Variants in BNC2 observed in about 807,000 individuals in gnomAD.
The protein encoded by BNC2 is zinc finger protein basonuclin-2.
A neutral mutation model predicts 76.3 loss-of-function variants in BNC2; 20 were observed. The ratio of observed to expected loss-of-function variants is 0.26; its 90% CI spans 0.18 to 0.38. The LOEUF (loss-of-function observed/expected upper bound fraction) is 0.38. Among genes scored for constraint, BNC2 ranks in the 10% least tolerant of loss-of-function variants. The probability of loss-of-function intolerance (pLI) is 1.00; values close to 1 mark genes in which losing one functional copy is unlikely to be tolerated. For synonymous variants in BNC2, 582 were observed against 514.8 expected, an observed-to-expected ratio of 1.13 and a Z score of -1.77; for missense variants, 1,382 against 1,399.8, an observed-to-expected ratio of 0.99 and a Z score of 0.20.
chr9:16,506,963 C>A (rs1822642511), intron 5 of BNC2, among the ~76,000 whole-genome samples: 1 of 152,046 alleles, frequency 6.6e-6, no homozygotes, highest in Admixed American at 6.6e-5. Flanking sequence ...CCACATTGAC[C>A]AGGCTGGTCT....
chr9:16,688,162 CA>C (rs1179537265), intron 3 of BNC2, among the ~76,000 whole-genome samples: 1 of 152,186 alleles, frequency 6.6e-6, no homozygotes, highest in East Asian at 1.9e-4. Context: ...ACCACACTCT[CA>C]CCCCATCCAC....
intron 4 of BNC2, among the ~76,000 whole-genome samples, chr9:16,555,472 ATTC>A (rs916863459): frequency 3.3e-5 from 5 of 152,166 alleles, no homozygotes; most frequent in Admixed American, 6.6e-5. Flanking sequence ...ACACTAGTTG[ATTC>A]TTCTTCATAA....
intron 3 of BNC2, among the ~76,000 whole-genome samples, chr9:16,708,843 C>G (rs1206220504): frequency 6.6e-6 from 1 of 152,118 alleles, no homozygotes; most frequent in Non-Finnish European, 1.5e-5. Flanking sequence ...TGATTCAGCG[C>G]TTTAACAAAT....
At chr9:16,675,760 C>T (rs1039610029) in intron 3 of BNC2, among the ~76,000 whole-genome samples, 2 of 152,130 alleles carry the variant, frequency 1.3e-5, no homozygotes, top group Admixed American at 6.5e-5. Context: ...TATTAGGTTA[C>T]ATAACTTAAG....
chr9:16,477,206 C>G (rs1821945971), intron 5 of BNC2, among the ~76,000 whole-genome samples: 1 of 152,140 alleles, frequency 6.6e-6, no homozygotes, highest in African/African-American at 2.4e-5. Context: ...CCCAAGTGAG[C>G]AATGGTCACT....
At chr9:16,690,599 A>T (rs958123038) in intron 3 of BNC2, among the ~76,000 whole-genome samples, 3 of 152,222 alleles carry the variant, frequency 2.0e-5, no homozygotes, top group African/African-American at 7.2e-5. Flanking sequence ...CCAGAAATAC[A>T]TTCATTGTTA....
intron 3 of BNC2, among the ~76,000 whole-genome samples, chr9:16,646,067 A>G (rs1034711717): frequency 4.6e-5 from 7 of 152,230 alleles, no homozygotes; most frequent in African/African-American, 1.7e-4. Context: ...CAACACGTCT[A>G]CCTTCCAGTT....
Position 16,435,639 on chromosome 9 carries a change from T to C in BNC2, c.2555A>G (p.Tyr852Cys), listed in dbSNP as rs1474689616. The C allele has an allele frequency of 6.2e-7, 1 of 1,614,078 alleles. No homozygotes were observed. The highest frequency in any genetic ancestry group is 8.5e-7 in the Non-Finnish European group (1 of 1,180,024). Residue 852 changes from tyrosine to cysteine, a missense_variant, in exon 6 of 7, where the codon TAC becomes TGC. By Grantham distance (194) the Tyr-to-Cys change is radical. This residue lies in a region of BNC2 where 798 missense variants were observed against 775.5 expected (regional missense o/e 1.03). Coordinates refer to ENST00000380672, the MANE Select transcript of BNC2 (RefSeq NM_017637.6). ...FKSSYSVKLH[Y>C]RNVHLKEMHV... ...CATCTCTTTCAAGTGAACGTTCCTG[T>C]AGTGAAGTTTCACACTGTAGGAGCT...
At chr9:16,774,464 G>T (rs1342728335) in intron 1 of BNC2, among the ~76,000 whole-genome samples, 1 of 152,120 alleles carries the variant, frequency 6.6e-6, no homozygotes, top group Non-Finnish European at 1.5e-5. Flanking sequence ...ATTCTATCAG[G>T]CCTGACATAC....
chr9:16,814,819 C>T (rs1403577314), intron 1 of BNC2, among the ~76,000 whole-genome samples: 2 of 152,150 alleles, frequency 1.3e-5, no homozygotes, highest in Non-Finnish European at 2.9e-5. Flanking sequence ...CAAAGACATA[C>T]CAAGATAAAT....
At chr9:16,511,318 C>T (rs1822750058) in intron 5 of BNC2, among the ~76,000 whole-genome samples, 1 of 151,568 alleles carries the variant, frequency 6.6e-6, no homozygotes, top group Non-Finnish European at 1.5e-5. Flanking sequence ...GCTATGTTAC[C>T]CAGGCTGGTC....
At chr9:16,638,773 G>A (rs1220539792) in intron 3 of BNC2, among the ~76,000 whole-genome samples, 1 of 152,032 alleles carries the variant, frequency 6.6e-6, no homozygotes, top group African/African-American at 2.4e-5. Context: ...TATTTTTAAT[G>A]TTTCCTTCTC....
intron 3 of BNC2, among the ~76,000 whole-genome samples, chr9:16,625,068 C>A (rs1015779598): frequency 1.3e-5 from 2 of 152,174 alleles, no homozygotes; most frequent in Non-Finnish European, 2.9e-5. Flanking sequence ...GGTAATTGGA[C>A]ACAGAAACAT....
chr9:16,780,644 T>A (rs1301520897), intron 1 of BNC2, among the ~76,000 whole-genome samples: 14 of 152,168 alleles, frequency 9.2e-5, no homozygotes, highest in Non-Finnish European at 7.3e-5. Context: ...TTAAAAAGTA[T>A]TGGGCTTTTT....
intron 1 of BNC2, among the ~76,000 whole-genome samples, chr9:16,819,542 A>T (rs1033778574): frequency 3.9e-5 from 6 of 152,010 alleles, no homozygotes; most frequent in African/African-American, 1.2e-4. Flanking sequence ...GTGTGCCTGT[A>T]ATTCCAGCTA....
chr9:16,809,211 G>A (rs1241103386), intron 1 of BNC2, among the ~76,000 whole-genome samples: 1 of 152,136 alleles, frequency 6.6e-6, no homozygotes, highest in Admixed American at 6.5e-5. Context: ...GCCGCTAGAG[G>A]AAGAACTGTT....
intron 5 of BNC2, among the ~76,000 whole-genome samples, chr9:16,454,423 C>T (rs1445236915): frequency 6.6e-6 from 1 of 152,092 alleles, no homozygotes; most frequent in African/African-American, 2.4e-5. Flanking sequence ...GGCTCAGCCT[C>T]TCAAGTAGCT....
chr9:16,542,971 A>G (rs1230416556), intron 5 of BNC2, among the ~76,000 whole-genome samples: 4 of 151,962 alleles, frequency 2.6e-5, no homozygotes, highest in Admixed American at 2.0e-4. Flanking sequence ...TTTTCTCATG[A>G]CTCTTCATTA....
intron 5 of BNC2, among the ~76,000 whole-genome samples, chr9:16,470,704 T>A (rs1044194933): frequency 3.9e-5 from 6 of 152,238 alleles, no homozygotes; most frequent in African/African-American, 1.4e-4. Context: ...CATGGCGTTC[T>A]GTGCGCAGAT....
Sources: allele counts gnomAD v4.1 joint callset (sites outside exome capture counted in the v4.1 genomes callset), GRCh38; gene constraint gnomAD v4.1.1; regional missense constraint gnomAD v4.1.1; transcripts MANE v1.5; gene names NCBI Gene and HGNC (gene_info 2026-07-23, HGNC 2026-07-21).